LYN: variants seen among roughly 807,000 people sequenced by gnomAD.
LYN encodes LYN proto-oncogene, Src family tyrosine kinase, also known as tyrosine-protein kinase Lyn.
Under a neutral mutation model 65.0 loss-of-function variants are expected in LYN, and 12 were observed. The observed-to-expected ratio is 0.18, with a 90% CI of 0.12 to 0.30. The LOEUF is 0.30. Among genes scored for constraint, LYN ranks in the 10% least tolerant of loss-of-function variants. The pLI is 1.00. For synonymous variants in LYN, 222 were observed against 221.2 expected (o/e 1.00, Z -0.03); for missense variants, 380 against 623.2 (o/e 0.61, Z 4.16).
intron 1 of LYN, among the ~76,000 whole-genome samples, chr8:55,920,863 A>AT (rs1805929496): frequency 6.6e-6 from 1 of 150,882 alleles, no homozygotes; most frequent in African/African-American, 2.4e-5. Flanking sequence ...CGCCTGGCTA[A>AT]TTTTTGTATT....
intron 12 of LYN, among the ~76,000 whole-genome samples, chr8:56,003,928 C>CTTTTTTTTTTTTTTTTTTTT: frequency 9.6e-6 from 1 of 104,700 alleles, no homozygotes; most frequent in Non-Finnish European, 1.9e-5. Context: ...ATATTTTATT[C>CTTTTTTTTTTTTTTTTTTTT]TTTTTTTTTT....
At chr8:55,964,462 C>T (rs1029485093) in intron 8 of LYN, among the ~76,000 whole-genome samples, 1 of 152,158 alleles carries the variant, frequency 6.6e-6, no homozygotes, top group Non-Finnish European at 1.5e-5. Flanking sequence ...AAAGAAACAT[C>T]ATTGGATAGG....
intron 1 of LYN, chr8:55,902,585 C>T: frequency 3.7e-6 from 1 of 267,628 alleles, no homozygotes; most frequent in East Asian, 8.9e-5. Context: ...TACAATGTTT[C>T]AATCAATATA....
intron 1 of LYN, among the ~76,000 whole-genome samples, chr8:55,908,500 C>T (rs1396355629): frequency 2.0e-5 from 3 of 152,158 alleles, no homozygotes; most frequent in African/African-American, 7.2e-5. Flanking sequence ...CCACCTCAGC[C>T]TCCCAAAGTG....
chr8:56,011,067 T>C lies in LYN; in HGVS notation c.*957T>C, dbSNP rs1808803022. On this transcript the variant is annotated 3_prime_UTR_variant, in exon 13 of 13. Transcript: ENST00000519728. ...TTTGAACATTATGTTAAAGATCAAG[T>C]ATTAATTTTAGTTGTACTCTAGAAA... 4.3e-6 allele frequency: 1 copy of C among 231,442 alleles called. No homozygotes were observed. The highest frequency in any genetic ancestry group is 5.6e-5 in the Admixed American group (1 of 17,736). 14.3% of individuals were successfully genotyped at this position (231,442 alleles called of 1,614,324 possible).
intron 1 of LYN, among the ~76,000 whole-genome samples, chr8:55,909,112 G>A (rs1805527649): frequency 6.7e-6 from 1 of 150,374 alleles, no homozygotes; most frequent in African/African-American, 2.5e-5. Context: ...TAGTGTCAAG[G>A]GCTTTCAGTA....
intron 1 of LYN, among the ~76,000 whole-genome samples, chr8:55,897,994 G>A (rs7831223): frequency 0.43 from 64,818 of 151,842 alleles, 14,368 homozygotes; most frequent in Middle Eastern, 0.54. Context: ...GAAAATAGAC[G>A]ATTTTAAGAA....
intron 1 of LYN, among the ~76,000 whole-genome samples, chr8:55,936,000 T>A (rs1342399767): frequency 1.3e-5 from 2 of 152,128 alleles, no homozygotes; most frequent in Non-Finnish European, 2.9e-5. Flanking sequence ...GTTTCTCTAA[T>A]CTGAGTCTCC....
chr8:55,988,127 A>G (rs991241810), intron 10 of LYN, among the ~76,000 whole-genome samples: 1 of 152,214 alleles, frequency 6.6e-6, no homozygotes, highest in African/African-American at 2.4e-5. Context: ...CCTTTCCTCC[A>G]TCCAAATTAT....
Position 55,968,538 on chromosome 8 carries a change from T to C in LYN, c.974-1179T>C, listed in dbSNP as rs148921396. On this transcript the variant is annotated intron_variant, in intron 9 of 12. Transcript: ENST00000519728. ...TCCCAAAGTGCTGGAATTATAGGTGTGAGCCACCAAGCTTGGCCAACAATG... is the reference window on the plus strand; with the variant it reads ...TCCCAAAGTGCTGGAATTATAGGTGCGAGCCACCAAGCTTGGCCAACAATG... Among the ~76,000 whole-genome samples the C allele has an allele frequency of 3.7e-4, 56 of 152,364 alleles. No homozygotes were observed. In the East Asian group the frequency reaches 6.4e-3, roughly 17 times the overall value.
At chr8:55,947,538 C>A in intron 3 of LYN, 80 bp from the exon 4 acceptor site, 2 of 990,236 alleles carry the variant, frequency 2.0e-6, no homozygotes, top group Non-Finnish European at 3.2e-6. Context: ...TGCTTCCTCT[C>A]ATCCTTTGTG....
chr8:55,936,448 T>C (rs1806439260), intron 1 of LYN, among the ~76,000 whole-genome samples: 1 of 152,178 alleles, frequency 6.6e-6, no homozygotes, highest in Non-Finnish European at 1.5e-5. Flanking sequence ...GAGACCAGCC[T>C]GGCCAATATG....
At chr8:55,924,525 G>A (rs573688022) in intron 1 of LYN, among the ~76,000 whole-genome samples, 2 of 151,752 alleles carry the variant, frequency 1.3e-5, no homozygotes, top group African/African-American at 4.8e-5. Flanking sequence ...CACCATGCCC[G>A]GCTTATTTTT....
intron 6 of LYN, 80 bp downstream of exon 6, chr8:55,950,864 GA>G: frequency 2.0e-6 from 2 of 996,316 alleles, no homozygotes; most frequent in Non-Finnish European, 1.6e-6. Context: ...TACTCAAGGG[GA>G]AAAAAGGGCA....
In LYN at chr8:56,012,029, C is replaced by T; in HGVS notation, c.*1919C>T. On this transcript the variant is annotated 3_prime_UTR_variant, in exon 13 of 13. Transcript: ENST00000519728. ...AGAAAATTATTAAATTTATCTTCGC[C>T]TTGTTTTGCTTCTCCCAGTTCCTCC... is the stretch of plus-strand genomic sequence containing the variant. 5.3e-6 allele frequency: 1 copy of T among 189,716 alleles called. No individual in the cohort carries two copies. The highest frequency in any genetic ancestry group is 8.4e-5 in the East Asian group (1 of 11,892). The allele number at this position is 189,716 out of a possible 1,614,324, so 11.8% of individuals were successfully genotyped here. A position where few individuals can be genotyped will look rare whatever the true frequency, so the allele number is the denominator to read the frequency against.
At chr8:55,947,514 T>C (rs2130486036) in intron 3 of LYN, 104 bp from the exon 4 acceptor site, 1 of 776,408 alleles carries the variant, frequency 1.3e-6, no homozygotes, top group South Asian at 1.5e-5. Context: ...CTTCTTCCAG[T>C]TGCCCCCTCT....
rs1013528585 is a variant in LYN at position 56,010,863 on chromosome 8, C to T, written c.*753C>T. 3.9e-5 allele frequency: 9 copies of T among 229,798 alleles called. No individual in the cohort carries two copies. Among genetic ancestry groups the T allele is most frequent in the Non-Finnish European group, 6.9e-5 (8 of 116,026 alleles). 14.2% of individuals were successfully genotyped at this position (229,798 alleles called of 1,614,324 possible). ...GGACCTCCCAGGAAAGGGAGAAGAGCCTCAGAAACTGCTCTGTGTTTAGAA... is the reference window on the plus strand; with the variant it reads ...GGACCTCCCAGGAAAGGGAGAAGAGTCTCAGAAACTGCTCTGTGTTTAGAA... On this transcript the variant is annotated 3_prime_UTR_variant, in exon 13 of 13. Coordinates refer to ENST00000519728, the MANE Select transcript of LYN (RefSeq NM_002350.4).
intron 1 of LYN, among the ~76,000 whole-genome samples, chr8:55,924,261 C>T (rs1419618534): frequency 2.0e-5 from 3 of 152,118 alleles, no homozygotes; most frequent in African/African-American, 7.2e-5. Context: ...TTCACCATGG[C>T]ACCGGGAGGG....
At chr8:55,939,937 G>A (rs75413466) in intron 1 of LYN, among the ~76,000 whole-genome samples, 3,641 of 152,308 alleles carry the variant, frequency 0.024, 42 homozygotes, top group East Asian at 0.062. Flanking sequence ...GGGAACTGCA[G>A]CTCGCTAGTT....
Sources: gnomAD v4.1 joint callset for allele counts (sites outside exome capture counted in the v4.1 genomes callset) on GRCh38, gnomAD v4.1.1 for gene constraint, MANE v1.5 for transcripts, NCBI Gene and HGNC (gene_info 2026-07-23, HGNC 2026-07-21) for gene names.